The following ITGA4 variants were observed in gnomAD, a reference collection of about 807,000 sequenced individuals.
The protein encoded by ITGA4 is integrin alpha-4.
ITGA4 carries 63 observed loss-of-function variants against 133.6 expected under a neutral mutation model. The observed-to-expected ratio is 0.47, with a 90% confidence interval of 0.38 to 0.58. ITGA4 has a LOEUF of 0.58. Ranked by LOEUF, ITGA4 falls within the 20% of genes least tolerant of loss-of-function variation. ITGA4 has a pLI of 0.00. For synonymous variants in ITGA4, 483 were observed against 438.0 expected (o/e 1.10, Z -1.28); for missense variants, 1,076 against 1,252.7 (o/e 0.86, Z 2.13).
At chr2:181,515,382 TA>T (rs1686584779) in intron 17 of ITGA4, among the ~76,000 whole-genome samples, 1 of 152,114 alleles carries the variant, frequency 6.6e-6, no homozygotes, top group South Asian at 2.1e-4. Context: ...GAAGACTCAA[TA>T]AAAGTCATTA....
intron 2 of ITGA4, among the ~76,000 whole-genome samples, chr2:181,468,920 CCAT>C (rs2105719466): frequency 6.6e-6 from 1 of 152,208 alleles, no homozygotes; most frequent in East Asian, 1.9e-4. Context: ...AAAATTATCA[CCAT>C]GTTAATTTCT....
At chr2:181,460,262 G>A (rs1025156371) in intron 2 of ITGA4, among the ~76,000 whole-genome samples, 1 of 152,186 alleles carries the variant, frequency 6.6e-6, no homozygotes, top group African/African-American at 2.4e-5. Context: ...CATTAATAGT[G>A]ATAGTAATGC....
chr2:181,504,014 T>C (rs1686339105), intron 15 of ITGA4, among the ~76,000 whole-genome samples: 1 of 152,032 alleles, frequency 6.6e-6, no homozygotes, highest in Admixed American at 6.6e-5. Flanking sequence ...TGATATCTCT[T>C]GGTTGAACTT....
chr2:181,537,974 G>C lies in ITGA4; in HGVS notation c.*2447G>C, dbSNP rs1426550293. On this transcript the variant is annotated 3_prime_UTR_variant, in exon 28 of 28. Transcript: ENST00000397033. ...AACCATATGGTGAACTGGTATGTGA[G>C]GGATCTAGAGTGCCATGTTCCTCAA... 2 of 659,444 alleles carry C rather than the reference G, an allele frequency of 3.0e-6. No homozygotes were observed. Among genetic ancestry groups the C allele is most frequent in the Admixed American group, 4.1e-5 (2 of 48,410 alleles). 40.8% of individuals were successfully genotyped at this position (659,444 alleles called of 1,614,324 possible). A position where few individuals can be genotyped will look rare whatever the true frequency, so the allele number is the denominator to read the frequency against.
chr2:181,504,896 G>C (rs1686362003), intron 15 of ITGA4, among the ~76,000 whole-genome samples: 1 of 151,650 alleles, frequency 6.6e-6, no homozygotes, highest in South Asian at 2.1e-4. Context: ...TGACTGTTCT[G>C]TACCACTTGA....
At chr2:181,522,758 CAT>C (rs777614272) in intron 18 of ITGA4, among the ~76,000 whole-genome samples, 85 of 152,176 alleles carry the variant, frequency 5.6e-4, no homozygotes, top group Non-Finnish European at 9.4e-4. Flanking sequence ...CAAATTCGCT[CAT>C]CTTTTGTCCA....
At position 181,535,552 on chromosome 2, in the gene ITGA4, G is replaced by A; in HGVS notation, c.*25G>A. 2 of 1,574,526 alleles carry A rather than the reference G, an allele frequency of 1.3e-6. No individual in the cohort carries two copies. Among genetic ancestry groups the A allele is most frequent in the East Asian group, 2.3e-5 (1 of 44,110 alleles). On this transcript the variant is annotated 3_prime_UTR_variant, in exon 28 of 28. Transcript: ENST00000397033. ...AGGACTTCTTTCAAATTGAGAGAAT[G>A]GAAAACAGACTCAGGTTGTAGTAAA... is the stretch of plus-strand genomic sequence containing the variant.
intron 15 of ITGA4, among the ~76,000 whole-genome samples, chr2:181,505,058 CT>C (rs1686366564): frequency 6.6e-6 from 1 of 151,972 alleles, no homozygotes; most frequent in Non-Finnish European, 1.5e-5. Flanking sequence ...TGCTTAAAAT[CT>C]TCCTATGTAA....
intron 10 of ITGA4, among the ~76,000 whole-genome samples, chr2:181,488,030 C>T (rs1303092113): frequency 6.6e-6 from 1 of 152,120 alleles, no homozygotes; most frequent in Non-Finnish European, 1.5e-5. Flanking sequence ...TTAAAGAAGA[C>T]CATTCACTAT....
At position 181,538,041 on chromosome 2, in the gene ITGA4, C is replaced by T; in HGVS notation, c.*2514C>T. On this transcript the variant is annotated 3_prime_UTR_variant, in exon 28 of 28. Transcript: ENST00000397033. ...ATGATCTGAGGTGGAACAGTTCATC[C>T]TGAAACCATTCCCCCATCCACGGAA... is the stretch of plus-strand genomic sequence containing the variant. 2 of 700,230 alleles carry T rather than the reference C, an allele frequency of 2.9e-6. No individual in the cohort carries two copies. Among genetic ancestry groups the T allele is most frequent in the South Asian group, 1.5e-5 (1 of 66,530 alleles). The allele number at this position is 700,230 out of a possible 1,614,324, so 43.4% of individuals were successfully genotyped here. A position where few individuals can be genotyped will look rare whatever the true frequency, so the allele number is the denominator to read the frequency against.
At chr2:181,508,972 GTC>G (rs1170121323) in intron 15 of ITGA4, among the ~76,000 whole-genome samples, 1 of 150,636 alleles carries the variant, frequency 6.6e-6, no homozygotes, top group Non-Finnish European at 1.5e-5. Context: ...GAAAGACCCT[GTC>G]TCTATAAATA....
chr2:181,483,379 C>T (rs1046415561), intron 9 of ITGA4, among the ~76,000 whole-genome samples: 11 of 151,834 alleles, frequency 7.2e-5, no homozygotes, highest in South Asian at 2.1e-4. Flanking sequence ...CTTCTTGGCC[C>T]GTTCTTTGAT....
Position 181,531,649 on chromosome 2 carries a change from C to T in ITGA4, c.2665-8C>T, listed in dbSNP as rs764321293. Reference sequence around the variant, plus strand: ...ATTTTAATGTAGCACTTTTATATTCCCTTCAAGTACTGCATAAAAGCTGAT... The same window carrying T: ...ATTTTAATGTAGCACTTTTATATTCTCTTCAAGTACTGCATAAAAGCTGAT... On this transcript the variant is annotated splice_region_variant and splice_polypyrimidine_tract_variant and intron_variant, in intron 24 of 27. Transcript: ENST00000397033. 3.9e-6 allele frequency: 6 copies of T among 1,520,836 alleles called. No homozygotes were observed. Among genetic ancestry groups the T allele is most frequent in the Admixed American group, 1.9e-5 (1 of 52,274 alleles). 94.2% of individuals were successfully genotyped at this position (1,520,836 alleles called of 1,614,324 possible). A position where few individuals can be genotyped will look rare whatever the true frequency, so the allele number is the denominator to read the frequency against.
At chr2:181,462,894 T>A (rs932435997) in intron 2 of ITGA4, among the ~76,000 whole-genome samples, 1 of 152,184 alleles carries the variant, frequency 6.6e-6, no homozygotes, top group African/African-American at 2.4e-5. Flanking sequence ...GGGTAATTTA[T>A]CCATTCAGTT....
intron 2 of ITGA4, among the ~76,000 whole-genome samples, chr2:181,462,480 C>T (rs1685308999): frequency 6.6e-6 from 1 of 152,152 alleles, no homozygotes. Flanking sequence ...TAGCAAATAT[C>T]TCACTGTTGA....
intron 16 of ITGA4, among the ~76,000 whole-genome samples, chr2:181,510,249 C>G (rs370377281): frequency 1.4e-4 from 22 of 152,198 alleles, no homozygotes; most frequent in African/African-American, 5.3e-4. Flanking sequence ...TAGTTTTACC[C>G]ATTTACAGAC....
chr2:181,528,830 T>C (rs1488804968), intron 22 of ITGA4, among the ~76,000 whole-genome samples: 1 of 152,212 alleles, frequency 6.6e-6, no homozygotes, highest in African/African-American at 2.4e-5. Context: ...GCCAGTTCAG[T>C]AGGCTATATT....
At position 181,464,941 on chromosome 2, in the gene ITGA4, A is replaced by G. The variant is rs547194711; in HGVS notation, c.319+6624A>G. On this transcript the variant is annotated intron_variant, in intron 2 of 27. Coordinates refer to ENST00000397033, the MANE Select transcript of ITGA4 (RefSeq NM_000885.6). ...CTCATTTTACCTCTGAGAATTTTTA[A>G]AAATCATAGAAAATCTTTTTTATAT... Among the ~76,000 whole-genome samples, 13 of 152,262 alleles carry G rather than the reference A, an allele frequency of 8.5e-5. No individual in the cohort carries two copies. In the South Asian group the frequency reaches 2.7e-3, roughly 32 times the overall value.
intron 15 of ITGA4, among the ~76,000 whole-genome samples, chr2:181,509,052 G>A (rs1393862384): frequency 6.9e-6 from 1 of 145,826 alleles, no homozygotes; most frequent in Non-Finnish European, 1.5e-5. Flanking sequence ...TGAAGCAGAA[G>A]GATCGCTTGA....
Sources: allele counts gnomAD v4.1 joint callset (sites outside exome capture counted in the v4.1 genomes callset), GRCh38; gene constraint gnomAD v4.1.1; transcripts MANE v1.5; gene names NCBI Gene and HGNC (gene_info 2026-07-23, HGNC 2026-07-21).